PODXL: variants seen among roughly 807,000 people sequenced by gnomAD.
The protein encoded by PODXL is podocalyxin like, also known as podocalyxin.
A neutral mutation model predicts 48.9 loss-of-function variants in PODXL; 20 were observed. That is an observed-to-expected ratio of 0.41 (90% CI 0.29 to 0.59). PODXL has a LOEUF of 0.59. Among genes scored for constraint, PODXL ranks in the 20% least tolerant of loss-of-function variants. PODXL has a pLI of 0.31. For synonymous variants in PODXL, 295 were observed against 287.4 expected, an observed-to-expected ratio of 1.03 and a Z score of -0.27; for missense variants, 606 against 675.1, an observed-to-expected ratio of 0.90 and a Z score of 1.13.
At chr7:131,524,429 C>G (rs1487856396) in intron 1 of PODXL, among the ~76,000 whole-genome samples, 1 of 114,014 alleles carries the variant, frequency 8.8e-6, no homozygotes, top group Non-Finnish European at 2.1e-5. Context: ...GAAAACTCAA[C>G]AATAAAAACC....
At chr7:131,519,451 CA>C (rs1467654054) in intron 1 of PODXL, among the ~76,000 whole-genome samples, 2 of 151,720 alleles carry the variant, frequency 1.3e-5, no homozygotes, top group East Asian at 1.9e-4. Flanking sequence ...TAGAAAGCCA[CA>C]AAACAACCTA....
At position 131,502,136 on chromosome 7, in the gene PODXL, A is replaced by C. The variant is rs1483691686; in HGVS notation, c.*2175T>G. 2.6e-5 allele frequency: 4 copies of C among 152,300 alleles called. No individual in the cohort carries two copies. The highest frequency in any genetic ancestry group is 5.9e-5 in the Non-Finnish European group (4 of 68,134). The allele number at this position is 152,300 out of a possible 1,614,324, so 9.4% of individuals were successfully genotyped here. The stretch of plus-strand genomic sequence containing the variant: ...CTCCGTCAAAAGCCCTGGCTGGTGA[A>C]GTGTGACCCAGGATCAGCAAAGGAG... On this transcript the variant is annotated 3_prime_UTR_variant, in exon 9 of 9. Transcript: ENST00000378555.
At chr7:131,538,225 CT>C (rs1369984386) in intron 1 of PODXL, among the ~76,000 whole-genome samples, 2 of 152,176 alleles carry the variant, frequency 1.3e-5, no homozygotes, top group Non-Finnish European at 2.9e-5. Flanking sequence ...CAGGCTGTTT[CT>C]GTATGGGCTG....
rs1283866937 is a variant in PODXL at position 131,509,379 on chromosome 7, G to A, written c.1009C>T (p.His337Tyr). Residue 337 changes from histidine (H) to tyrosine (Y), a missense_variant, in exon 4 of 9, where the codon CAT (histidine) becomes TAT (tyrosine). Physicochemically the swap from His to Tyr is moderately conservative, Grantham distance 83. Transcript: ENST00000378555. ...YPKTPSPTVA[H>Y]ESNWAKCEDL... ...GCTGGAGTTACCCAGTTACTCTCAT[G>A]AGCCACAGTGGGAGAAGGTGTTTTG... 6.2e-7 allele frequency: 1 copy of A among 1,613,882 alleles called. No homozygotes were observed.
In PODXL at chr7:131,504,186, A is replaced by G; in HGVS notation, c.*125T>C. The G allele has an allele frequency of 1.4e-6, 1 of 718,184 alleles. No individual in the cohort carries two copies. Among genetic ancestry groups the G allele is most frequent in the Non-Finnish European group, 2.3e-6 (1 of 425,602 alleles). The allele number at this position is 718,184 out of a possible 1,614,324, so 44.5% of individuals were successfully genotyped here. On this transcript the variant is annotated 3_prime_UTR_variant, in exon 9 of 9. Transcript: ENST00000378555. ...AGGGAAAAATTAAGGCCCTGGGGGG[A>G]TTGGGAGGGGACACCCCTCGGAGTT...
Position 131,546,010 on chromosome 7 carries a change from T to C in PODXL, c.100+10250A>G, listed in dbSNP as rs1798569406. Among the ~76,000 whole-genome samples, 5 of 152,242 alleles carry C rather than the reference T, an allele frequency of 3.3e-5. No homozygotes were observed. The South Asian group carries it at 1.0e-3, about 32-fold the overall frequency. ...GAGTACTTCCTACCTTCCCTTCCTATCTTCCTCCCACTTTTCGGCCTTGTG... is the reference window on the plus strand; with the variant it reads ...GAGTACTTCCTACCTTCCCTTCCTACCTTCCTCCCACTTTTCGGCCTTGTG... On this transcript the variant is annotated intron_variant, in intron 1 of 8. Transcript: ENST00000378555.
chr7:131,526,191 G>C (rs527893888), intron 1 of PODXL, among the ~76,000 whole-genome samples: 60 of 123,942 alleles, frequency 4.8e-4, no homozygotes, highest in African/African-American at 1.7e-3. Flanking sequence ...TGTAATGTCA[G>C]AAAATAAAGA....
At chr7:131,504,782 C>T (rs1250881500) in intron 8 of PODXL, among the ~76,000 whole-genome samples, 1 of 152,156 alleles carries the variant, frequency 6.6e-6, no homozygotes, top group East Asian at 1.9e-4. Context: ...CCTCTAAGCT[C>T]TCTCCTCCCC....
intron 1 of PODXL, among the ~76,000 whole-genome samples, chr7:131,530,357 C>T (rs546850288): frequency 2.1e-4 from 32 of 152,140 alleles, no homozygotes; most frequent in Admixed American, 1.7e-3. Flanking sequence ...CCTCTCTCGC[C>T]CCTGCATGCA....
chr7:131,501,497 A>G lies in PODXL; in HGVS notation c.*2814T>C, dbSNP rs1433744655. On this transcript the variant is annotated 3_prime_UTR_variant, in exon 9 of 9. Coordinates refer to ENST00000378555, the MANE Select transcript of PODXL (RefSeq NM_001018111.3). ...GGGAAAAAAATCTGGTGCCTAGACT[A>G]GATTAAACCCGTATTCTGTCTTACA... is the stretch of plus-strand genomic sequence containing the variant. The G allele has an allele frequency of 6.6e-6, 1 of 152,588 alleles. No homozygotes were observed. The highest frequency in any genetic ancestry group is 1.5e-5 in the Non-Finnish European group (1 of 68,042). 9.5% of individuals were successfully genotyped at this position (152,588 alleles called of 1,614,324 possible).
chr7:131,508,217 T>C (rs769127727), intron 5 of PODXL, among the ~76,000 whole-genome samples: 1 of 152,146 alleles, frequency 6.6e-6, no homozygotes, highest in Non-Finnish European at 1.5e-5. Flanking sequence ...ACACGCACGC[T>C]CACCACCCAG....
chr7:131,520,652 G>T (rs1191879944), intron 1 of PODXL: 1 of 161,172 alleles, frequency 6.2e-6, no homozygotes, highest in Non-Finnish European at 1.3e-5. Flanking sequence ...TGAACTTTCT[G>T]TAGCACAATC....
rs150983982 is a variant in PODXL at position 131,520,856 on chromosome 7, C to T, written c.101-9423G>A. 2.9e-4 allele frequency among the ~76,000 whole-genome samples: 44 copies of T among 152,316 alleles called. No homozygotes were observed. In the East Asian group the frequency reaches 7.9e-3, roughly 27 times the overall value. On this transcript the variant is annotated intron_variant, in intron 1 of 8. Transcript: ENST00000378555. ...AGCAGAGACTGGAAAGAACTTTGCT[C>T]CTACTCTGACTACAAGAAAAAAGCT... is the stretch of plus-strand genomic sequence containing the variant.
intron 1 of PODXL, among the ~76,000 whole-genome samples, chr7:131,543,751 C>T (rs1798520425): frequency 6.6e-6 from 1 of 152,108 alleles, no homozygotes; most frequent in Non-Finnish European, 1.5e-5. Flanking sequence ...GGGCCGAGGC[C>T]AGCAAAACAC....
intron 2 of PODXL, 149 bp downstream of exon 2, chr7:131,510,679 C>A (rs1797896426): frequency 1.2e-6 from 1 of 818,088 alleles, no homozygotes; most frequent in South Asian, 1.7e-5. Flanking sequence ...GCCATGTTGG[C>A]CAGGCTGGTC....
chr7:131,537,305 G>GT lies in PODXL; in HGVS notation c.100+18954dup, dbSNP rs1317959949. On this transcript the variant is annotated intron_variant, in intron 1 of 8. Coordinates refer to ENST00000378555, the MANE Select transcript of PODXL (RefSeq NM_001018111.3). Reference sequence around the variant, plus strand: ...CCAGCCTGGGTGACAGTGAGAACCTGTTTTTTTAAAAAAAAAAAGCCAAGC... The same window carrying GT: ...CCAGCCTGGGTGACAGTGAGAACCTGTTTTTTTTAAAAAAAAAAAGCCAAGC... 6.2e-4 allele frequency among the ~76,000 whole-genome samples: 82 copies of GT among 132,456 alleles called. 1 individual carries two copies. The highest frequency in any genetic ancestry group is 2.3e-3 in the South Asian group (9 of 3,988). 86.9% of individuals were successfully genotyped at this position (132,456 alleles called of 152,430 possible).
chr7:131,543,981 C>T (rs1035140380), intron 1 of PODXL, among the ~76,000 whole-genome samples: 5 of 152,116 alleles, frequency 3.3e-5, no homozygotes, highest in East Asian at 1.9e-4. Context: ...GTCCTGGGGC[C>T]GAAATCACCC....
At chr7:131,547,230 G>A (rs543708917) in intron 1 of PODXL, among the ~76,000 whole-genome samples, 5 of 151,978 alleles carry the variant, frequency 3.3e-5, no homozygotes, top group Non-Finnish European at 7.4e-5. Flanking sequence ...AAACTTAGGT[G>A]GGCGTGGTGG....
chr7:131,532,151 C>A (rs1482013529), intron 1 of PODXL, among the ~76,000 whole-genome samples: 1 of 144,450 alleles, frequency 6.9e-6, no homozygotes, highest in African/African-American at 2.6e-5. Context: ...CATCATCACA[C>A]GTGGCCGGGC....
Sources: allele counts gnomAD v4.1 joint callset (sites outside exome capture counted in the v4.1 genomes callset), GRCh38; gene constraint gnomAD v4.1.1; transcripts MANE v1.5; gene names NCBI Gene and HGNC (gene_info 2026-07-23, HGNC 2026-07-21).